Variants in PDPR observed in about 807,000 individuals in gnomAD.
The protein encoded by PDPR is pyruvate dehydrogenase phosphatase regulatory subunit, mitochondrial.
In PDPR, 50 loss-of-function variants were observed where a neutral mutation model predicts 102.2. The observed-to-expected ratio is 0.49, with a 90% confidence interval of 0.39 to 0.62. The LOEUF (loss-of-function observed/expected upper bound fraction) is 0.62. PDPR is among the 20% of genes least tolerant of loss of function. The pLI is 0.00. For synonymous variants in PDPR, 259 were observed against 406.0 expected (o/e 0.64, Z 4.35); for missense variants, 625 against 1,098.2 (o/e 0.57, Z 6.09).
intron 3 of PDPR, among the ~76,000 whole-genome samples, chr16:70,121,205 C>T (rs397834698): frequency 2.0e-5 from 3 of 151,862 alleles, no homozygotes; most frequent in Non-Finnish European, 4.4e-5. Context: ...GTTCTCATTC[C>T]CCAAGAGAAA....
In PDPR at chr16:70,136,264, C is replaced by T. The variant is rs1965133562; in HGVS notation, c.1068C>T (p.Asn356=). ...CTCTGGAGATCATGAAGTTGGTGAA[C>T]TGCCCAGAGACCTTCACACCAGACA... ...LETLEIMKLV[N]CPETFTPDMR... The change falls in exon 10 of 19, where the codon AAC becomes AAT. Residue 356 remains asparagine, a synonymous_variant. Coordinates refer to ENST00000288050, the MANE Select transcript of PDPR (RefSeq NM_017990.5). The T allele has an allele frequency of 6.2e-7, 1 of 1,613,096 alleles. No individual in the cohort carries two copies. The highest frequency in any genetic ancestry group is 2.2e-5 in the East Asian group (1 of 44,870).
chr16:70,129,687 A>G (rs1381639341), intron 6 of PDPR, among the ~76,000 whole-genome samples: 24 of 152,252 alleles, frequency 1.6e-4, no homozygotes, highest in Non-Finnish European at 3.2e-4. Flanking sequence ...ATTTTCCGCC[A>G]CAGGACTTGA....
At chr16:70,117,255 C>A (rs924409311) in intron 2 of PDPR, among the ~76,000 whole-genome samples, 2 of 126,294 alleles carry the variant, frequency 1.6e-5, no homozygotes, top group Non-Finnish European at 1.7e-5. Context: ...TGGCTCATGC[C>A]TGTAATCCCA....
At position 70,153,484 on chromosome 16, in the gene PDPR, G is replaced by A. The variant is rs753821381; in HGVS notation, c.2146G>A (p.Glu716Lys). The change falls in exon 18 of 19, where the codon GAG becomes AAG. Residue 716 changes from glutamate to lysine, a missense_variant. Physicochemically the swap from Glu to Lys is moderately conservative, Grantham distance 56. This residue lies in a region of PDPR where 303 missense variants were observed against 258.9 expected (regional missense o/e 1.17). Coordinates refer to ENST00000288050, the MANE Select transcript of PDPR (RefSeq NM_017990.5). ...GYYALRSLRI[E>K]KFFAFWGQDI... ...TTACGCTCTTCGCAGTCTCCGAATTGAGAAGTTTTTTGCCTTCTGGGGTCA... is the reference window on the plus strand; with the variant it reads ...TTACGCTCTTCGCAGTCTCCGAATTAAGAAGTTTTTTGCCTTCTGGGGTCA... 2.5e-6 allele frequency: 4 copies of A among 1,613,340 alleles called. No individual in the cohort carries two copies. In the African/African-American group the frequency reaches 4.0e-5, roughly 16 times the overall value.
chr16:70,123,785 G>A (rs1171612087), intron 3 of PDPR, among the ~76,000 whole-genome samples: 1 of 152,264 alleles, frequency 6.6e-6, no homozygotes, highest in East Asian at 1.9e-4. Flanking sequence ...AGGCACGATC[G>A]CTCACACCTG....
At chr16:70,153,302 T>A in intron 17 of PDPR, 89 bp from the exon 18 acceptor site, 1 of 1,352,714 alleles carries the variant, frequency 7.4e-7, no homozygotes, top group Non-Finnish European at 1.0e-6. Flanking sequence ...TTGTCCATGT[T>A]AATAGTGTGA....
In PDPR at chr16:70,120,595, C is replaced by G; in HGVS notation, c.103C>G (p.Arg35Gly). ...ARNSTSAAEARSMALPTQAQV... is the reference protein window; with the variant it reads ...ARNSTSAAEAGSMALPTQAQV... ...AAACAGCACGTCAGCTGCCGAGGCG[C>G]GTTCCATGGCCCTGCCCACCCAGGC... is the stretch of plus-strand genomic sequence containing the variant. Residue 35 changes from arginine (R) to glycine (G), a missense_variant, in exon 3 of 19, where the codon CGT becomes GGT. Physicochemically the swap from Arg to Gly is moderately radical, Grantham distance 125. This residue lies in a region of PDPR where 84 missense variants were observed against 87.7 expected (regional missense o/e 0.96). Transcript: ENST00000288050. 1.2e-6 allele frequency: 2 copies of G among 1,613,958 alleles called. No homozygotes were observed. Among genetic ancestry groups the G allele is most frequent in the South Asian group, 2.2e-5 (2 of 91,088 alleles).
chr16:70,128,950 C>G lies in PDPR; in HGVS notation c.444-9C>G. 1 of 1,613,736 alleles carries G rather than the reference C, an allele frequency of 6.2e-7. No individual in the cohort carries two copies. Among genetic ancestry groups the G allele is most frequent in the South Asian group, 1.1e-5 (1 of 91,010 alleles). ...TGTGAATGTCATTGTCCCTTGTGTTCTGTGGCAGTGTTATAGGTATCCCTT... is the reference window on the plus strand; with the variant it reads ...TGTGAATGTCATTGTCCCTTGTGTTGTGTGGCAGTGTTATAGGTATCCCTT... On this transcript the variant is annotated splice_polypyrimidine_tract_variant and intron_variant, in intron 5 of 18. Transcript: ENST00000288050.
intron 10 of PDPR, among the ~76,000 whole-genome samples, chr16:70,138,616 G>T (rs966660435): frequency 3.3e-5 from 5 of 152,210 alleles, no homozygotes; most frequent in African/African-American, 1.2e-4. Context: ...GCCTCCCAAA[G>T]TTCTGGGATT....
intron 9 of PDPR, among the ~76,000 whole-genome samples, chr16:70,135,657 C>T (rs1002433251): frequency 1.5e-4 from 23 of 152,276 alleles, no homozygotes; most frequent in African/African-American, 5.5e-4. Context: ...TGCTGCTTTC[C>T]TTTCTAACCA....
Position 70,156,472 on chromosome 16 carries a change from T to C in PDPR, c.2236-3T>C, listed in dbSNP as rs963066963. ...ATGACTCGGCGTTTCCTTTCTTTCT[T>C]AGGGCATGGATTTCATTGGTCGCGA... On this transcript the variant is annotated splice_polypyrimidine_tract_variant and splice_region_variant and intron_variant, in intron 18 of 18. Coordinates refer to ENST00000288050, the MANE Select transcript of PDPR (RefSeq NM_017990.5). The C allele has an allele frequency of 6.2e-7, 1 of 1,612,938 alleles. No individual in the cohort carries two copies. The highest frequency in any genetic ancestry group is 1.1e-5 in the South Asian group (1 of 91,050).
chr16:70,156,397 G>T, intron 18 of PDPR, 78 bp from the exon 19 acceptor site: 3 of 1,539,618 alleles, frequency 1.9e-6, no homozygotes, highest in Non-Finnish European at 2.6e-6. Flanking sequence ...GACACCAGGG[G>T]ACCCTTCCCA....
rs570224991 is a variant in PDPR, at chr16:70,153,284, C to T, written c.2053-107C>T. ...GAGACATCCTGGGAGTTTTATACGC[C>T]TCCTCTCTTGTCCATGTTAATAGTG... On this transcript the variant is annotated intron_variant, in intron 17 of 18. Coordinates refer to ENST00000288050, the MANE Select transcript of PDPR (RefSeq NM_017990.5). 3.2e-6 allele frequency: 4 copies of T among 1,234,490 alleles called. No individual in the cohort carries two copies. The African/African-American group carries it at 6.2e-5, about 19-fold the overall frequency. 76.5% of individuals were successfully genotyped at this position (1,234,490 alleles called of 1,614,324 possible). A position where few individuals can be genotyped will look rare whatever the true frequency, so the allele number is the denominator to read the frequency against.
At position 70,114,337 on chromosome 16, in the gene PDPR, C is replaced by A. The variant is rs1962406365; in HGVS notation, c.-246C>A. 6.6e-6 allele frequency: 1 copy of A among 152,190 alleles called. No individual in the cohort carries two copies. The highest frequency in any genetic ancestry group is 2.1e-4 in the South Asian group (1 of 4,838). The allele number at this position is 152,190 out of a possible 1,614,324, so 9.4% of individuals were successfully genotyped here. A position where few individuals can be genotyped will look rare whatever the true frequency, so the allele number is the denominator to read the frequency against. On this transcript the variant is annotated 5_prime_UTR_variant, in exon 1 of 19. Transcript: ENST00000288050. ...CTTCGCCCCGCCCCCTTCCCATCCC[C>A]GAACCCCGCTTTCCGGCCCGCGGCG...
intron 15 of PDPR, among the ~76,000 whole-genome samples, 172 bp downstream of exon 15, chr16:70,144,705 C>T (rs1480628014): frequency 6.6e-6 from 1 of 152,240 alleles, no homozygotes; most frequent in Non-Finnish European, 1.5e-5. Context: ...ACCTGTAATC[C>T]CAGCACTTTT....
chr16:70,146,312 T>G, intron 16 of PDPR, 84 bp downstream of exon 16: 1 of 1,600,780 alleles, frequency 6.2e-7, no homozygotes, highest in Non-Finnish European at 8.5e-7. Flanking sequence ...CTTACTATGG[T>G]GTTAGCACCC....
At position 70,156,457 on chromosome 16, in the gene PDPR, G is replaced by A. The variant is rs369494330; in HGVS notation, c.2236-18G>A. 1.8e-4 allele frequency: 289 copies of A among 1,611,406 alleles called. No individual in the cohort carries two copies. The highest frequency in any genetic ancestry group is 5.0e-4 in the Middle Eastern group (3 of 6,048). On this transcript the variant is annotated intron_variant, in intron 18 of 18. Transcript: ENST00000288050. ...TCTGAGTGTCGCTGGATGACTCGGCGTTTCCTTTCTTTCTTAGGGCATGGA... is the reference window on the plus strand; with the variant it reads ...TCTGAGTGTCGCTGGATGACTCGGCATTTCCTTTCTTTCTTAGGGCATGGA...
chr16:70,119,920 G>GTTTTTTT (rs796983852), intron 2 of PDPR, among the ~76,000 whole-genome samples: 1 of 137,662 alleles, frequency 7.3e-6, no homozygotes, highest in African/African-American at 3.3e-5. Flanking sequence ...TTGTTTGTTT[G>GTTTTTTT]TTTGTTTTTT....
At chr16:70,155,958 T>C (rs1328053436) in intron 18 of PDPR, among the ~76,000 whole-genome samples, 1 of 152,188 alleles carries the variant, frequency 6.6e-6, no homozygotes, top group African/African-American at 2.4e-5. Context: ...ACCAGAATCT[T>C]GGCTCACTGC....
Sources: gnomAD v4.1 joint callset for allele counts (sites outside exome capture counted in the v4.1 genomes callset) on GRCh38, gnomAD v4.1.1 for gene constraint, gnomAD v4.1.1 regional missense constraint, MANE v1.5 for transcripts, NCBI Gene and HGNC (gene_info 2026-07-23, HGNC 2026-07-21) for gene names.